Variants in SMCR8 observed in about 807,000 individuals in gnomAD.
SMCR8 encodes the protein guanine nucleotide exchange protein SMCR8.
SMCR8 carries 30 observed loss-of-function variants against 56.6 expected under a neutral mutation model. The ratio of observed to expected loss-of-function variants is 0.53; its 90% CI spans 0.40 to 0.72. The LOEUF is 0.72. SMCR8 is among the 30% of genes least tolerant of loss of function. SMCR8 has a pLI of 0.00. For missense variants in SMCR8, 1,198 were observed against 1,157.0 expected (o/e 1.04, Z -0.51); for synonymous variants, 538 against 456.0 (o/e 1.18, Z -2.29).
At chr17:18,318,794 G>A (rs1039336387) in intron 1 of SMCR8, among the ~76,000 whole-genome samples, 7 of 152,176 alleles carry the variant, frequency 4.6e-5, no homozygotes, top group African/African-American at 9.7e-5. Context: ...TTTATCTGTC[G>A]CCATTGCCAG....
intron 1 of SMCR8, 36 bp downstream of exon 1, chr17:18,318,185 C>T (rs1982390728): frequency 6.3e-7 from 1 of 1,581,656 alleles, no homozygotes; most frequent in Non-Finnish European, 8.6e-7. Context: ...GGGCCTTGGC[C>T]AGATAGGGAT....
intron 1 of SMCR8, among the ~76,000 whole-genome samples, chr17:18,318,902 C>T (rs186054480): frequency 2.6e-5 from 4 of 152,330 alleles, no homozygotes; most frequent in Admixed American, 2.0e-4. Context: ...CCTGTAAGTG[C>T]TCTTTCAACC....
Position 18,318,014 on chromosome 17 carries a change from TAGTC to T in SMCR8, c.2228_2231del (p.Val743GlyfsTer4). 1 of 1,614,230 alleles carries T rather than the reference TAGTC, an allele frequency of 6.2e-7. No individual in the cohort carries two copies. Among genetic ancestry groups the T allele is most frequent in the Non-Finnish European group, 8.5e-7 (1 of 1,180,044 alleles). On this transcript the variant is annotated frameshift_variant, in exon 1 of 2. Coordinates refer to ENST00000406438, the MANE Select transcript of SMCR8 (RefSeq NM_144775.3). LOFTEE classifies it high-confidence loss of function. ...GTGGTCCTGGGGGAAGATGAGGCCA[TAGTC>T]AGGAAACTCGTGACTGCACTGGCTA... is the stretch of plus-strand genomic sequence containing the variant.
In SMCR8 at chr17:18,325,669, A is replaced by C. The variant is rs1339580943; in HGVS notation, c.*2599A>C. On this transcript the variant is annotated 3_prime_UTR_variant, in exon 2 of 2. Transcript: ENST00000406438. ...ACACTGGGAAGCCCTGCCCCTCCCT[A>C]TGCCCCCTTCACTCCGGGGAACTGA... 1 of 152,186 alleles carries C rather than the reference A, an allele frequency of 6.6e-6. No homozygotes were observed. Among genetic ancestry groups the C allele is most frequent in the Non-Finnish European group, 1.5e-5 (1 of 68,058 alleles). The allele number at this position is 152,186 out of a possible 1,614,324, so 9.4% of individuals were successfully genotyped here.
At position 18,316,124 on chromosome 17, in the gene SMCR8, A is replaced by T. The variant is rs768042510; in HGVS notation, c.335A>T (p.Tyr112Phe). Residue 112 changes from tyrosine (Y) to phenylalanine (F), a missense_variant, in exon 1 of 2, where the codon TAC becomes TTC. Transcript: ENST00000406438. ...SFVGHPPGSA[Y>F]PKLNFVEDSK... ...GTGGGCCATCCTCCTGGATCTGCCT[A>T]CCCCAAGCTGAACTTCGTGGAGGAC... The T allele has an allele frequency of 6.2e-7, 1 of 1,614,068 alleles. No homozygotes were observed. The highest frequency in any genetic ancestry group is 1.1e-5 in the South Asian group (1 of 91,076).
rs1321669000 is a variant in SMCR8 at position 18,316,356 on chromosome 17, G to T, written c.567G>T (p.Lys189Asn). Residue 189 changes from lysine (K) to asparagine (N), a missense_variant, in exon 1 of 2, where the codon AAG (lysine) becomes AAT (asparagine). By Grantham distance (94) the Lys-to-Asn change is moderately conservative. Transcript: ENST00000406438. ...AGTGCTTGAAGACTGGCAACAGGAA[G>T]GCATTTGCTGGGGAACTTGAAAAAA... ...ASECLKTGNR[K>N]AFAGELEKKL... is the part of the protein sequence containing the mutation. 6.2e-7 allele frequency: 1 copy of T among 1,614,082 alleles called. No homozygotes were observed. Among genetic ancestry groups the T allele is most frequent in the Non-Finnish European group, 8.5e-7 (1 of 1,180,056 alleles).
intron 1 of SMCR8, 127 bp from the exon 2 acceptor site, chr17:18,322,490 C>G: frequency 1.3e-6 from 1 of 775,816 alleles, no homozygotes; most frequent in Non-Finnish European, 2.1e-6. Flanking sequence ...ATTTGTCTTC[C>G]AGGAAGAGCC....
Position 18,327,493 on chromosome 17 carries a change from C to G in SMCR8, c.*4423C>G, listed in dbSNP as rs1034210717. On this transcript the variant is annotated 3_prime_UTR_variant, in exon 2 of 2. Coordinates refer to ENST00000406438, the MANE Select transcript of SMCR8 (RefSeq NM_144775.3). ...ACAGATTCTGCAGCAGCTGCTCCAC[C>G]CACAATAAAGCAAACGCCGACAGGC... 3 of 152,200 alleles carry G rather than the reference C, an allele frequency of 2.0e-5. No individual in the cohort carries two copies. Among genetic ancestry groups the G allele is most frequent in the African/African-American group, 7.2e-5 (3 of 41,438 alleles). 9.4% of individuals were successfully genotyped at this position (152,200 alleles called of 1,614,324 possible). A position where few individuals can be genotyped will look rare whatever the true frequency, so the allele number is the denominator to read the frequency against.
At position 18,322,034 on chromosome 17, in the gene SMCR8, CAG is replaced by C. The variant is rs1271279441; in HGVS notation, c.2361-580_2361-579del. ...TTTTTGTTTGTTTTGTTTTTTAAGACAGAGTCTCGCTCTGTTGCCCAGGCTAG... is the reference window on the plus strand; with the variant it reads ...TTTTTGTTTGTTTTGTTTTTTAAGACAGTCTCGCTCTGTTGCCCAGGCTAG... On this transcript the variant is annotated intron_variant, in intron 1 of 1. Coordinates refer to ENST00000406438, the MANE Select transcript of SMCR8 (RefSeq NM_144775.3). Among the ~76,000 whole-genome samples, 5 of 152,118 alleles carry C rather than the reference CAG, an allele frequency of 3.3e-5. No individual in the cohort carries two copies. In the East Asian group the frequency reaches 5.8e-4, roughly 18 times the overall value.
chr17:18,323,100 T>C lies in SMCR8; in HGVS notation c.*30T>C. 1 of 1,581,234 alleles carries C rather than the reference T, an allele frequency of 6.3e-7. No homozygotes were observed. Among genetic ancestry groups the C allele is most frequent in the Non-Finnish European group, 8.6e-7 (1 of 1,157,414 alleles). On this transcript the variant is annotated 3_prime_UTR_variant, in exon 2 of 2. Transcript: ENST00000406438. ...GGTCCCAGACACTGTGACCAAGACC[T>C]GTGACTCAGGGTATGGGGAGGGGAG...
rs994986178 is a variant in SMCR8, at chr17:18,315,918, C to T, written c.129C>T (p.Asn43=). ...TCCCCTTCGCCAGTCAGGGTGCTAA[C>T]CCCTGGTCAAAACTGTCCGGGGCCA... ...PLFPFASQGA[N]PWSKLSGAKF... is the part of the protein sequence containing the mutation. The change falls in exon 1 of 2, where the codon AAC becomes AAT. Residue 43 remains asparagine (N), a synonymous_variant. Coordinates refer to ENST00000406438, the MANE Select transcript of SMCR8 (RefSeq NM_144775.3). 1.9e-6 allele frequency: 3 copies of T among 1,614,066 alleles called. No individual in the cohort carries two copies. Among genetic ancestry groups the T allele is most frequent in the Admixed American group, 3.3e-5 (2 of 59,996 alleles).
At position 18,317,020 on chromosome 17, in the gene SMCR8, G is replaced by A; in HGVS notation, c.1231G>A (p.Val411Met). The change falls in exon 1 of 2, where the codon GTG becomes ATG. Residue 411 changes from valine (V) to methionine (M), a missense_variant. By Grantham distance (21) the Val-to-Met change is conservative. Transcript: ENST00000406438. ...TCTAGAAGAATGCCCAATTCCTAAA[G>A]TGTTAATTAGTGTTGGTTCTTACAA... Reference protein sequence around the residue: ...SSLEECPIPKVLISVGSYKSS... With the variant: ...SSLEECPIPKMLISVGSYKSS... The A allele has an allele frequency of 6.2e-7, 1 of 1,614,176 alleles. No homozygotes were observed. Among genetic ancestry groups the A allele is most frequent in the East Asian group, 2.2e-5 (1 of 44,888 alleles).
At position 18,316,647 on chromosome 17, in the gene SMCR8, C is replaced by T. The variant is rs754488072; in HGVS notation, c.858C>T (p.Asn286=). 1.9e-6 allele frequency: 3 copies of T among 1,614,196 alleles called. No individual in the cohort carries two copies. Among genetic ancestry groups the T allele is most frequent in the African/African-American group, 1.3e-5 (1 of 75,034 alleles). ...DQASQASTTS[N]PDESADTDLY... ...CCAGCCAGGCATCCACTACCTCTAA[C>T]CCTGATGAGTCTGCCGACACAGACC... The change falls in exon 1 of 2, where the codon AAC becomes AAT. Residue 286 remains asparagine (N), a synonymous_variant. Transcript: ENST00000406438.
rs944807471 is a variant in SMCR8 at position 18,326,949 on chromosome 17, C to T, written c.*3879C>T. ...CCCTATAGTGGGCAGTCTCCTTTAC[C>T]TTCCCACCTCCCTGAAAAGCACAGA... On this transcript the variant is annotated 3_prime_UTR_variant, in exon 2 of 2. Coordinates refer to ENST00000406438, the MANE Select transcript of SMCR8 (RefSeq NM_144775.3). 6.6e-6 allele frequency: 1 copy of T among 152,648 alleles called. No individual in the cohort carries two copies. The highest frequency in any genetic ancestry group is 2.4e-5 in the African/African-American group (1 of 41,466). 9.5% of individuals were successfully genotyped at this position (152,648 alleles called of 1,614,324 possible).
chr17:18,320,892 A>G (rs1333391579), intron 1 of SMCR8, among the ~76,000 whole-genome samples: 3 of 151,992 alleles, frequency 2.0e-5, no homozygotes, highest in Non-Finnish European at 1.5e-5. Flanking sequence ...CTCTGAGGCA[A>G]CTCCACGAAT....
intron 1 of SMCR8, among the ~76,000 whole-genome samples, chr17:18,321,596 T>C (rs1193220510): frequency 6.6e-6 from 1 of 152,138 alleles, no homozygotes; most frequent in South Asian, 2.1e-4. Flanking sequence ...TCCCAAATCT[T>C]TGGGAGGCCA....
In SMCR8 at chr17:18,317,929, A is replaced by G; in HGVS notation, c.2140A>G (p.Ile714Val). The change falls in exon 1 of 2, where the codon ATC (isoleucine) becomes GTC (valine). Residue 714 changes from isoleucine to valine, a missense_variant. Ile to Val is a conservative substitution (Grantham distance 29). Coordinates refer to ENST00000406438, the MANE Select transcript of SMCR8 (RefSeq NM_144775.3). ...KRAGQNALKF[I>V]RQYPFAHPAI... ...GGCTGGCCAGAACGCCTTAAAATTC[A>G]TCCGCCAGTACCCCTTTGCCCACCC... is the stretch of plus-strand genomic sequence containing the variant. 1 of 1,614,122 alleles carries G rather than the reference A, an allele frequency of 6.2e-7. No homozygotes were observed. Among genetic ancestry groups the G allele is most frequent in the East Asian group, 2.2e-5 (1 of 44,876 alleles).
chr17:18,316,053 T>G lies in SMCR8; in HGVS notation c.264T>G (p.Asn88Lys), dbSNP rs1457962367. The G allele has an allele frequency of 6.2e-7, 1 of 1,614,148 alleles. No homozygotes were observed. The highest frequency in any genetic ancestry group is 1.7e-5 in the Admixed American group (1 of 60,026). The change falls in exon 1 of 2, where the codon AAT becomes AAG. Residue 88 changes from asparagine to lysine, a missense_variant. Asn to Lys is a moderately conservative substitution (Grantham distance 94, BLOSUM62 0). Transcript: ENST00000406438. ...AAGTTTTTGGCACTTTTGATCTCAA[T>G]TACTTCTCCCTGCGTATCATGTCTG... Reference protein sequence around the residue: ...DTKVFGTFDLNYFSLRIMSVD... With the variant: ...DTKVFGTFDLKYFSLRIMSVD...
chr17:18,321,342 G>C (rs1475106217), intron 1 of SMCR8, among the ~76,000 whole-genome samples: 4 of 152,212 alleles, frequency 2.6e-5, no homozygotes, highest in Admixed American at 6.5e-5. Flanking sequence ...TTGGGGGCAT[G>C]AGACCAGATC....
Sources: gnomAD v4.1 joint callset for allele counts (sites outside exome capture counted in the v4.1 genomes callset) on GRCh38, gnomAD v4.1.1 for gene constraint, MANE v1.5 for transcripts, NCBI Gene and HGNC (gene_info 2026-07-23, HGNC 2026-07-21) for gene names.